The following CDH13 variants were observed in gnomAD, a reference collection of about 807,000 sequenced individuals.
CDH13 encodes the protein cadherin 13.
A neutral mutation model predicts 63.8 loss-of-function variants in CDH13; 24 were observed. The observed-to-expected ratio is 0.38, with a 90% CI of 0.27 to 0.53. The LOEUF (loss-of-function observed/expected upper bound fraction) is 0.53. Among genes scored for constraint, CDH13 ranks in the 20% least tolerant of loss-of-function variants. CDH13 has a pLI of 0.85. For synonymous variants in CDH13, 503 were observed against 355.3 expected (o/e 1.42, Z -4.67); for missense variants, 1,049 against 903.1 (o/e 1.16, Z -2.07).
intron 1 of CDH13, among the ~76,000 whole-genome samples, chr16:82,816,922 C>G (rs940615441): frequency 4.6e-5 from 7 of 151,986 alleles, no homozygotes; most frequent in Non-Finnish European, 8.8e-5. Flanking sequence ...ACTTTAAGGA[C>G]ATTCAGGAGC....
At chr16:83,568,095 C>G (rs139657739) in intron 7 of CDH13, among the ~76,000 whole-genome samples, 2 of 152,042 alleles carry the variant, frequency 1.3e-5, no homozygotes, top group Admixed American at 1.3e-4. Context: ...CCATTTAAAT[C>G]AAATTCTCTT....
intron 1 of CDH13, among the ~76,000 whole-genome samples, chr16:82,634,014 G>T (rs1308934219): frequency 2.0e-5 from 3 of 152,238 alleles, no homozygotes; most frequent in Non-Finnish European, 2.9e-5. Context: ...TTAACAACAG[G>T]CACGTTTTGA....
chr16:83,555,026 G>A (rs935603615), intron 7 of CDH13, among the ~76,000 whole-genome samples: 4 of 151,950 alleles, frequency 2.6e-5, no homozygotes, highest in Non-Finnish European at 5.9e-5. Context: ...GGGGCCAGAG[G>A]TGGAGGGTAG....
At chr16:83,500,991 A>G (rs573758477) in intron 7 of CDH13, among the ~76,000 whole-genome samples, 130 of 152,280 alleles carry the variant, frequency 8.5e-4, no homozygotes, top group South Asian at 2.1e-4. Context: ...AGCATTCCAA[A>G]TGTTTTCAAA....
chr16:83,646,422 C>T (rs1006517345), intron 8 of CDH13, among the ~76,000 whole-genome samples: 3 of 152,036 alleles, frequency 2.0e-5, no homozygotes, highest in Non-Finnish European at 4.4e-5. Flanking sequence ...TTGTGTTGGC[C>T]GGACCCAGTG....
chr16:82,840,703 GA>G (rs1044534350), intron 1 of CDH13, among the ~76,000 whole-genome samples: 2 of 131,074 alleles, frequency 1.5e-5, no homozygotes, highest in Non-Finnish European at 3.5e-5. Context: ...AAAAAAAAAA[GA>G]AAAAAACTTG....
At chr16:83,547,086 C>G (rs543836289) in intron 7 of CDH13, among the ~76,000 whole-genome samples, 2 of 152,308 alleles carry the variant, frequency 1.3e-5, no homozygotes, top group African/African-American at 2.4e-5. Context: ...GTGTCAAGCA[C>G]TGTGCAAGCT....
chr16:82,914,893 G>A (rs2041939014), intron 2 of CDH13, among the ~76,000 whole-genome samples: 1 of 152,184 alleles, frequency 6.6e-6, no homozygotes. Flanking sequence ...ACACCAAACG[G>A]TGTCACCATG....
At chr16:82,873,942 T>G (rs142771724) in intron 2 of CDH13, among the ~76,000 whole-genome samples, 27 of 152,302 alleles carry the variant, frequency 1.8e-4, no homozygotes, top group Middle Eastern at 3.4e-3. Context: ...TCACTCATGC[T>G]TGGTCTCTTT....
chr16:83,516,882 A>C (rs2074709561), intron 7 of CDH13, among the ~76,000 whole-genome samples: 1 of 152,192 alleles, frequency 6.6e-6, no homozygotes, highest in African/African-American at 2.4e-5. Context: ...TGCTCCCTGG[A>C]GGAAGTGGTA....
chr16:83,468,143 G>C (rs2073364062), intron 6 of CDH13, among the ~76,000 whole-genome samples: 1 of 152,202 alleles, frequency 6.6e-6, no homozygotes, highest in South Asian at 2.1e-4. Context: ...CCTTGTCCAT[G>C]TGATCTGATT....
At chr16:83,352,370 A>G (rs2090971000) in intron 6 of CDH13, among the ~76,000 whole-genome samples, 1 of 152,226 alleles carries the variant, frequency 6.6e-6, no homozygotes, top group Admixed American at 6.5e-5. Flanking sequence ...TGTTAGTGGA[A>G]ATGTAAACAA....
intron 7 of CDH13, among the ~76,000 whole-genome samples, chr16:83,561,284 T>TA (rs35203238): frequency 0.1 from 14,937 of 145,052 alleles, 961 homozygotes; most frequent in African/African-American, 0.18. Flanking sequence ...CCATCTCTAC[T>TA]AAAAAAAAAA....
In CDH13 at chr16:83,780,231, T is replaced by G. The variant is rs139357405; in HGVS notation, c.1915+30T>G. On this transcript the variant is annotated intron_variant, in intron 12 of 13. Coordinates refer to ENST00000567109, the MANE Select transcript of CDH13 (RefSeq NM_001257.5). ...GTCTGGCTAAAGCATTTCTGCCTAT[T>G]CTTCCAGCTTTCAGTTTATTTTCTC... 6.8e-4 allele frequency: 950 copies of G among 1,392,652 alleles called. 4 individuals carry two copies. In the African/African-American group the frequency reaches 0.011, roughly 16 times the overall value. The allele number at this position is 1,392,652 out of a possible 1,614,324, so 86.3% of individuals were successfully genotyped here.
intron 2 of CDH13, among the ~76,000 whole-genome samples, chr16:82,943,519 C>T (rs1247095152): frequency 1.3e-5 from 2 of 152,216 alleles, no homozygotes; most frequent in Non-Finnish European, 2.9e-5. Flanking sequence ...AAATTCCTTT[C>T]TGGGTGAAAT....
At chr16:83,691,061 C>G (rs1904811746) in intron 10 of CDH13, among the ~76,000 whole-genome samples, 1 of 146,296 alleles carries the variant, frequency 6.8e-6, no homozygotes, top group Admixed American at 7.0e-5. Context: ...GATTTGCTAA[C>G]CAACTGTGCC....
At position 83,539,127 on chromosome 16, in the gene CDH13, C is replaced by T. The variant is rs1216409458; in HGVS notation, c.960+52472C>T. ...AATCTAGTATCCTTAGAACAGTGGTCCCCAACCTTTCTTGGCACCAGGGAC... is the reference window on the plus strand; with the variant it reads ...AATCTAGTATCCTTAGAACAGTGGTTCCCAACCTTTCTTGGCACCAGGGAC... On this transcript the variant is annotated intron_variant, in intron 7 of 13. Coordinates refer to ENST00000567109, the MANE Select transcript of CDH13 (RefSeq NM_001257.5). Among the ~76,000 whole-genome samples, 6 of 152,052 alleles carry T rather than the reference C, an allele frequency of 3.9e-5. No homozygotes were observed. The East Asian group carries it at 1.2e-3, about 29-fold the overall frequency.
At chr16:83,528,353 C>A (rs372705318) in intron 7 of CDH13, among the ~76,000 whole-genome samples, 42 of 152,182 alleles carry the variant, frequency 2.8e-4, no homozygotes, top group African/African-American at 8.7e-4. Context: ...AAAATGCAAA[C>A]GTGAAATTAT....
intron 8 of CDH13, among the ~76,000 whole-genome samples, chr16:83,626,344 G>C (rs1029216447): frequency 2.0e-5 from 3 of 152,208 alleles, no homozygotes; most frequent in African/African-American, 4.8e-5. Context: ...GGGACCTTCT[G>C]TGAATAACAT....
Sources: allele counts gnomAD v4.1 joint callset (sites outside exome capture counted in the v4.1 genomes callset), GRCh38; gene constraint gnomAD v4.1.1; transcripts MANE v1.5; gene names NCBI Gene and HGNC (gene_info 2026-07-23, HGNC 2026-07-21).